C7orf57: variants seen among roughly 807,000 people sequenced by gnomAD.
C7orf57 encodes chromosome 7 open reading frame 57, also known as uncharacterized protein C7orf57.
Under a neutral mutation model 39.0 loss-of-function variants are expected in C7orf57, and 33 were observed. That is an observed-to-expected ratio of 0.85 (90% CI 0.64 to 1.13). C7orf57 has a LOEUF of 1.13. C7orf57 is among the 50% of genes most tolerant of loss of function. C7orf57 has a pLI of 0.00. For missense variants in C7orf57, 346 were observed against 362.3 expected (o/e 0.95, Z 0.37); for synonymous variants, 124 against 137.1 (o/e 0.90, Z 0.67).
At chr7:48,058,680 T>C (rs1182130584) in intron 8 of C7orf57, among the ~76,000 whole-genome samples, 1 of 152,208 alleles carries the variant, frequency 6.6e-6, no homozygotes, top group Non-Finnish European at 1.5e-5. Context: ...TTTCTTCTGC[T>C]AACCTTGGGC....
rs577948579 is a variant in C7orf57 at position 48,061,029 on chromosome 7, AATTG to A, written c.*761_*764del. The A allele has an allele frequency of 3.2e-4, 49 of 152,270 alleles. 2 individuals are homozygous for A. The South Asian group carries it at 9.5e-3, about 30-fold the overall frequency. The allele number at this position is 152,270 out of a possible 1,614,324, so 9.4% of individuals were successfully genotyped here. ...AATATAGTTTTATGTTTTGTACATT[AATTG>A]ATTAATAAAATAATAATTTTATGTG... On this transcript the variant is annotated 3_prime_UTR_variant, in exon 9 of 9. Transcript: ENST00000348904.
At chr7:48,040,677 T>C (rs904885003) in intron 2 of C7orf57, among the ~76,000 whole-genome samples, 10 of 151,790 alleles carry the variant, frequency 6.6e-5, no homozygotes, top group Non-Finnish European at 1.2e-4. Flanking sequence ...GTGGAGAGAA[T>C]GGGGGAACTC....
At chr7:48,045,360 G>T (rs1398379595) in intron 4 of C7orf57, among the ~76,000 whole-genome samples, 2 of 152,144 alleles carry the variant, frequency 1.3e-5, no homozygotes, top group African/African-American at 4.8e-5. Context: ...AGAAGTGGGA[G>T]GCCTGGGGAG....
chr7:48,045,866 T>C (rs2708854), intron 4 of C7orf57, among the ~76,000 whole-genome samples: 131,302 of 152,080 alleles, frequency 0.86, 57,145 homozygotes, highest in Non-Finnish European at 0.93. Context: ...GTTTAAATAC[T>C]CACATTAAAA....
intron 8 of C7orf57, among the ~76,000 whole-genome samples, chr7:48,057,789 C>T (rs1791157869): frequency 6.6e-6 from 1 of 152,014 alleles, no homozygotes; most frequent in African/African-American, 2.4e-5. Context: ...AGGTACATTT[C>T]CTCTATGCTT....
Position 48,061,031 on chromosome 7 carries a change from T to A in C7orf57, c.*759T>A, listed in dbSNP as rs949512543. ...TATAGTTTTATGTTTTGTACATTAA[T>A]TGATTAATAAAATAATAATTTTATG... is the stretch of plus-strand genomic sequence containing the variant. On this transcript the variant is annotated 3_prime_UTR_variant, in exon 9 of 9. Coordinates refer to ENST00000348904, the MANE Select transcript of C7orf57 (RefSeq NM_001100159.3). 6.6e-6 allele frequency: 1 copy of A among 152,084 alleles called. No homozygotes were observed. The highest frequency in any genetic ancestry group is 1.5e-5 in the Non-Finnish European group (1 of 68,014). 9.4% of individuals were successfully genotyped at this position (152,084 alleles called of 1,614,324 possible). A position where few individuals can be genotyped will look rare whatever the true frequency, so the allele number is the denominator to read the frequency against.
At chr7:48,043,645 CAATTTT>C in intron 4 of C7orf57, 56 bp downstream of exon 4, 1 of 1,337,004 alleles carries the variant, frequency 7.5e-7, no homozygotes, top group East Asian at 2.4e-5. Flanking sequence ...AAAAATAGCC[CAATTTT>C]AATTTTAAAA....
At chr7:48,050,975 C>T (rs566056788) in intron 6 of C7orf57, among the ~76,000 whole-genome samples, 1 of 152,270 alleles carries the variant, frequency 6.6e-6, no homozygotes, top group African/African-American at 2.4e-5. Flanking sequence ...TGGGCTGCTA[C>T]TGCTCGAGCT....
At chr7:48,048,748 C>G (rs1025921923) in intron 5 of C7orf57, among the ~76,000 whole-genome samples, 2 of 150,734 alleles carry the variant, frequency 1.3e-5, no homozygotes, top group African/African-American at 4.9e-5. Flanking sequence ...TCAGCCTCTC[C>G]CCTGCCCCTT....
intron 5 of C7orf57, among the ~76,000 whole-genome samples, chr7:48,049,034 G>A (rs1381125109): frequency 2.0e-5 from 3 of 151,926 alleles, no homozygotes; most frequent in East Asian, 1.9e-4. Flanking sequence ...ACCCCCCTCC[G>A]GGCTGAAAGA....
At chr7:48,049,412 G>A (rs1790809830) in intron 5 of C7orf57, among the ~76,000 whole-genome samples, 1 of 152,096 alleles carries the variant, frequency 6.6e-6, no homozygotes, top group Non-Finnish European at 1.5e-5. Flanking sequence ...ACATACGCAT[G>A]GCCATGCTGT....
At chr7:48,051,815 TTC>T (rs202124139) in intron 6 of C7orf57, among the ~76,000 whole-genome samples, 13,313 of 70,030 alleles carry the variant, frequency 0.19, 2,744 homozygotes, top group African/African-American at 0.4. Flanking sequence ...TCCTTTTCTC[TTC>T]TCTTTCTTTC....
chr7:48,054,640 CA>C (rs1354307917), intron 8 of C7orf57, 34 bp downstream of exon 8: 5 of 1,536,396 alleles, frequency 3.3e-6, no homozygotes, highest in Non-Finnish European at 3.5e-6. Context: ...CACCAAAACA[CA>C]AAAAGTCTTA....
At chr7:48,053,231 T>G (rs1316855552) in intron 7 of C7orf57, 10 of 400,516 alleles carry the variant, frequency 2.5e-5, no homozygotes, top group Non-Finnish European at 4.7e-5. Flanking sequence ...GTATCAACTT[T>G]TAATCTTCCA....
chr7:48,038,639 C>T (rs901099710), intron 2 of C7orf57, among the ~76,000 whole-genome samples: 10 of 152,168 alleles, frequency 6.6e-5, no homozygotes, highest in African/African-American at 2.4e-5. Flanking sequence ...AAGAGTCAAA[C>T]TCTGTAAAAT....
At chr7:48,058,328 G>T (rs80022310) in intron 8 of C7orf57, among the ~76,000 whole-genome samples, 2,328 of 151,970 alleles carry the variant, frequency 0.015, 65 homozygotes, top group African/African-American at 0.054. Context: ...TTATGTCCTG[G>T]GCTTTTCTGT....
chr7:48,047,324 G>A (rs1444424001), intron 5 of C7orf57, among the ~76,000 whole-genome samples: 1 of 152,234 alleles, frequency 6.6e-6, no homozygotes, highest in Admixed American at 6.5e-5. Flanking sequence ...GTTTGTGAGT[G>A]AAACGGTGAA....
rs1554299666 is a variant in C7orf57 at position 48,051,762 on chromosome 7, C to CTTTCTTTCTTTCT, written c.606-935_606-923dup. 7.5e-4 allele frequency among the ~76,000 whole-genome samples: 26 copies of CTTTCTTTCTTTCT among 34,746 alleles called. 5 individuals carry two copies. Among genetic ancestry groups the CTTTCTTTCTTTCT allele is most frequent in the East Asian group, 5.0e-4 (1 of 2,016 alleles). The allele number at this position is 34,746 out of a possible 152,430, so 22.8% of individuals were successfully genotyped here. On this transcript the variant is annotated intron_variant, in intron 6 of 8. Transcript: ENST00000348904. ...TTCTTTCTTTTTCTTTTCTTTCTTT[C>CTTTCTTTCTTTCT]TTTCTTTCTTTCTTTCTTTCTTTCT...
chr7:48,042,429 G>A (rs1790576226), intron 3 of C7orf57, among the ~76,000 whole-genome samples: 1 of 152,204 alleles, frequency 6.6e-6, no homozygotes, highest in South Asian at 2.1e-4. Context: ...TGTCAGGAAT[G>A]TCTTTTGGCA....
Sources: gnomAD v4.1 joint callset for allele counts (sites outside exome capture counted in the v4.1 genomes callset) on GRCh38, gnomAD v4.1.1 for gene constraint, MANE v1.5 for transcripts, NCBI Gene and HGNC (gene_info 2026-07-23, HGNC 2026-07-21) for gene names.